The following RGS13 variants were observed in gnomAD, a reference collection of about 807,000 sequenced individuals.
The protein encoded by RGS13 is regulator of G-protein signalling 13.
Under a neutral mutation model 19.9 loss-of-function variants are expected in RGS13, and 14 were observed. That is an observed-to-expected ratio of 0.70 (90% confidence interval 0.46 to 1.10). The LOEUF (loss-of-function observed/expected upper bound fraction) is 1.10. Ranked by LOEUF, RGS13 falls within the 50% of genes least tolerant of loss-of-function variation. RGS13 has a pLI of 0.00. For missense variants in RGS13, 205 were observed against 187.1 expected, an observed-to-expected ratio of 1.10 and a Z score of -0.56; for synonymous variants, 60 against 56.8, an observed-to-expected ratio of 1.06 and a Z score of -0.25.
intron 4 of RGS13, chr1:192,645,658 C>T (rs1164464946): frequency 1.3e-5 from 2 of 152,068 alleles, no homozygotes; most frequent in Admixed American, 6.6e-5. Context: ...CAAGGGAGAA[C>T]TTGTATCAGG....
At chr1:192,648,912 C>A (rs1663267249) in intron 5 of RGS13, among the ~76,000 whole-genome samples, 1 of 152,090 alleles carries the variant, frequency 6.6e-6, no homozygotes, top group Admixed American at 6.6e-5. Context: ...TGAGGCACTA[C>A]CTGCTCTTTC....
chr1:192,655,561 G>T (rs1046567789), intron 5 of RGS13, among the ~76,000 whole-genome samples: 1 of 151,960 alleles, frequency 6.6e-6, no homozygotes, highest in Non-Finnish European at 1.5e-5. Context: ...CGTGTCCATA[G>T]CACTTTTGCA....
chr1:192,659,648 T>C lies in RGS13; in HGVS notation c.*125T>C. The C allele has an allele frequency of 1.5e-6, 1 of 676,478 alleles. No homozygotes were observed. The highest frequency in any genetic ancestry group is 2.8e-5 in the East Asian group (1 of 35,354). 41.9% of individuals were successfully genotyped at this position (676,478 alleles called of 1,614,324 possible). On this transcript the variant is annotated 3_prime_UTR_variant, in exon 7 of 7. Coordinates refer to ENST00000391995, the MANE Select transcript of RGS13 (RefSeq NM_002927.5). ...AACAGAAATCAAACTATAAGTTGAC[T>C]TTTAGTTCCTAAAAAGAAACATATT...
At chr1:192,644,249 T>A (rs1663176788) in intron 3 of RGS13, 82 bp from the exon 4 acceptor site, 1 of 981,316 alleles carries the variant, frequency 1.0e-6, no homozygotes, top group African/African-American at 1.7e-5. Flanking sequence ...ATTTATAATA[T>A]TGTATGTTCC....
intron 3 of RGS13, among the ~76,000 whole-genome samples, chr1:192,638,514 G>A (rs1416889920): frequency 1.3e-5 from 2 of 152,030 alleles, no homozygotes; most frequent in African/African-American, 2.4e-5. Context: ...AGTGGTACAT[G>A]GTACGTGTGA....
chr1:192,645,738 A>G (rs547991902), intron 4 of RGS13: 169 of 152,068 alleles, frequency 1.1e-3, no homozygotes, highest in African/African-American at 3.9e-3. Flanking sequence ...AACTTGTGAG[A>G]ACCTCCAAAA....
intron 6 of RGS13, chr1:192,658,930 C>T (rs115701618): frequency 1.7e-3 from 269 of 160,162 alleles, no homozygotes; most frequent in African/African-American, 5.8e-3. Flanking sequence ...CATTTCAGAG[C>T]ATATTCAGTT....
chr1:192,647,178 T>A (rs1663238070), intron 4 of RGS13: 1 of 152,164 alleles, frequency 6.6e-6, no homozygotes, highest in Non-Finnish European at 1.5e-5. Context: ...GGTAAACACT[T>A]GGCTGGTGGC....
At chr1:192,647,754 A>G (rs935975858) in intron 4 of RGS13, 172 bp from the exon 5 acceptor site, 6 of 306,668 alleles carry the variant, frequency 2.0e-5, no homozygotes, top group Non-Finnish European at 3.6e-5. Context: ...AAATTTAAAT[A>G]GTAAAAATAA....
In RGS13 at chr1:192,638,207, T is replaced by G. The variant is rs1663046990; in HGVS notation, c.-5+4T>G. The G allele has an allele frequency of 6.6e-6, 1 of 152,136 alleles. No individual in the cohort carries two copies. The highest frequency in any genetic ancestry group is 6.6e-5 in the Admixed American group (1 of 15,248). 9.4% of individuals were successfully genotyped at this position (152,136 alleles called of 1,614,324 possible). A position where few individuals can be genotyped will look rare whatever the true frequency, so the allele number is the denominator to read the frequency against. ...CTTTTCTCTTCTCATTTTAGAGGTA[T>G]GAGAATTTTAATTTCTACTTCTGAG... On this transcript the variant is annotated splice_donor_region_variant and intron_variant, in intron 3 of 6. Coordinates refer to ENST00000391995, the MANE Select transcript of RGS13 (RefSeq NM_002927.5).
chr1:192,638,966 A>G (rs1393698666), intron 3 of RGS13, among the ~76,000 whole-genome samples: 4 of 152,150 alleles, frequency 2.6e-5, no homozygotes, highest in Non-Finnish European at 2.9e-5. Flanking sequence ...AAAGTCTAGT[A>G]GGAGTAGATA....
chr1:192,658,151 T>G (rs1161726546), intron 5 of RGS13, 50 bp from the exon 6 acceptor site: 1 of 1,396,632 alleles, frequency 7.2e-7, no homozygotes. Flanking sequence ...CTTAGATTTT[T>G]TTGGTGATTT....
In RGS13 at chr1:192,643,108, C is replaced by T. The variant is rs1207674660; in HGVS notation, c.-4-1223C>T. ...ACTCCTGGGCTCAAGCAATCCTCCC[C>T]GCTTCAGCCTCCCAAATTGCTGAGA... On this transcript the variant is annotated intron_variant, in intron 3 of 6. Coordinates refer to ENST00000391995, the MANE Select transcript of RGS13 (RefSeq NM_002927.5). Among the ~76,000 whole-genome samples the T allele has an allele frequency of 2.6e-5, 4 of 152,012 alleles. No individual in the cohort carries two copies. In the South Asian group the frequency reaches 6.2e-4, roughly 24 times the overall value.
intron 5 of RGS13, among the ~76,000 whole-genome samples, chr1:192,648,932 AC>A (rs1363864168): frequency 6.6e-6 from 1 of 151,826 alleles, no homozygotes; most frequent in Admixed American, 6.6e-5. Context: ...CTGACTCAAG[AC>A]CCTCTTTAGT....
At position 192,659,644 on chromosome 1, in the gene RGS13, T is replaced by C; in HGVS notation, c.*121T>C. On this transcript the variant is annotated 3_prime_UTR_variant, in exon 7 of 7. Transcript: ENST00000391995. ...ATAAAACAGAAATCAAACTATAAGTTGACTTTTAGTTCCTAAAAAGAAACA... is the reference window on the plus strand; with the variant it reads ...ATAAAACAGAAATCAAACTATAAGTCGACTTTTAGTTCCTAAAAAGAAACA... 1.4e-6 allele frequency: 1 copy of C among 691,504 alleles called. No individual in the cohort carries two copies. The highest frequency in any genetic ancestry group is 2.4e-6 in the Non-Finnish European group (1 of 414,098). 42.8% of individuals were successfully genotyped at this position (691,504 alleles called of 1,614,324 possible).
intron 1 of RGS13, among the ~76,000 whole-genome samples, chr1:192,637,200 G>A (rs1037316812): frequency 6.6e-6 from 1 of 151,734 alleles, no homozygotes; most frequent in Non-Finnish European, 1.5e-5. Context: ...CAAAATCATC[G>A]TGGAGACCTA....
At chr1:192,641,510 T>A (rs1242516763) in intron 3 of RGS13, among the ~76,000 whole-genome samples, 1 of 152,156 alleles carries the variant, frequency 6.6e-6, no homozygotes, top group East Asian at 1.9e-4. Flanking sequence ...CCTGCTCCAC[T>A]GAAACCACTC....
At chr1:192,644,478 C>T in intron 4 of RGS13, 79 bp downstream of exon 4, 1 of 1,027,166 alleles carries the variant, frequency 9.7e-7, no homozygotes, top group South Asian at 1.5e-5. Context: ...TATTAAACTG[C>T]TATTGTAACA....
chr1:192,650,472 C>T (rs1403964977), intron 5 of RGS13, among the ~76,000 whole-genome samples: 3 of 152,042 alleles, frequency 2.0e-5, no homozygotes, highest in Non-Finnish European at 2.9e-5. Context: ...TAGTCAAATG[C>T]ATGCTGTAGC....
Sources: allele counts gnomAD v4.1 joint callset (sites outside exome capture counted in the v4.1 genomes callset), GRCh38; gene constraint gnomAD v4.1.1; transcripts MANE v1.5; gene names NCBI Gene and HGNC (gene_info 2026-07-23, HGNC 2026-07-21).